KCNN3: variants seen among roughly 807,000 people sequenced by gnomAD.
KCNN3 encodes the protein small conductance calcium-activated potassium channel protein 3.
Under a neutral mutation model 62.9 loss-of-function variants are expected in KCNN3, and 16 were observed. The observed-to-expected ratio is 0.25, with a 90% CI of 0.17 to 0.39. The LOEUF is 0.39. Ranked by LOEUF, KCNN3 falls within the 10% of genes least tolerant of loss-of-function variation. The pLI, the probability that KCNN3 is intolerant of heterozygous loss-of-function variation, is 1.00. For synonymous variants in KCNN3, 370 were observed against 389.2 expected, an observed-to-expected ratio of 0.95 and a Z score of 0.58; for missense variants, 599 against 949.4, an observed-to-expected ratio of 0.63 and a Z score of 4.85.
chr1:154,828,897 C>G (rs1339663634), intron 1 of KCNN3, among the ~76,000 whole-genome samples: 1 of 152,238 alleles, frequency 6.6e-6, no homozygotes, highest in Admixed American at 6.5e-5. Flanking sequence ...AGAAAGACAC[C>G]TTTGCAATCC....
At chr1:154,766,129 G>C (rs1414989392) in intron 3 of KCNN3, among the ~76,000 whole-genome samples, 1 of 151,598 alleles carries the variant, frequency 6.6e-6, no homozygotes, top group Non-Finnish European at 1.5e-5. Flanking sequence ...CACCAGAAGG[G>C]GATCGCTACA....
At chr1:154,864,191 G>A (rs1042918158) in intron 1 of KCNN3, among the ~76,000 whole-genome samples, 5 of 152,208 alleles carry the variant, frequency 3.3e-5, no homozygotes, top group African/African-American at 1.2e-4. Flanking sequence ...CACCCCACAG[G>A]GAGGGTCCAT....
At chr1:154,776,747 C>T (rs1648806532) in intron 2 of KCNN3, among the ~76,000 whole-genome samples, 2 of 152,244 alleles carry the variant, frequency 1.3e-5, no homozygotes, top group African/African-American at 2.4e-5. Context: ...TTTGCTGTCT[C>T]TCCCCTTAGA....
intron 1 of KCNN3, among the ~76,000 whole-genome samples, chr1:154,857,432 C>G (rs545972509): frequency 6.6e-6 from 1 of 152,128 alleles, no homozygotes; most frequent in South Asian, 2.1e-4. Flanking sequence ...CTCCCCTCCT[C>G]CCTCTACCCT....
intron 2 of KCNN3, among the ~76,000 whole-genome samples, chr1:154,787,983 G>T (rs115643060): frequency 0.025 from 3,772 of 152,276 alleles, 85 homozygotes; most frequent in Non-Finnish European, 0.038. Context: ...CATCCACAGT[G>T]CCCTCAGGGT....
chr1:154,723,583 A>G (rs1700402001), intron 5 of KCNN3, among the ~76,000 whole-genome samples: 1 of 152,216 alleles, frequency 6.6e-6, no homozygotes, highest in Non-Finnish European at 1.5e-5. Context: ...GGCTTTCCTC[A>G]GCTTTATTTT....
intron 3 of KCNN3, among the ~76,000 whole-genome samples, chr1:154,766,503 T>C (rs1648295441): frequency 7.3e-6 from 1 of 137,646 alleles, no homozygotes; most frequent in Non-Finnish European, 1.6e-5. Flanking sequence ...GTGCCCCACA[T>C]TGGAGGTTAT....
intron 3 of KCNN3, among the ~76,000 whole-genome samples, chr1:154,750,335 C>T (rs1040469818): frequency 3.3e-5 from 5 of 152,212 alleles, no homozygotes; most frequent in Admixed American, 1.3e-4. Context: ...CCCATTTCCT[C>T]GGCCCCAGGA....
chr1:154,775,917 G>A (rs1036223565), intron 2 of KCNN3, among the ~76,000 whole-genome samples: 1 of 152,202 alleles, frequency 6.6e-6, no homozygotes, highest in South Asian at 2.1e-4. Flanking sequence ...ATAAAGAATC[G>A]CATCTGGTTA....
chr1:154,786,852 C>G (rs1557976023), intron 2 of KCNN3, among the ~76,000 whole-genome samples: 1 of 152,174 alleles, frequency 6.6e-6, no homozygotes, highest in East Asian at 1.9e-4. Flanking sequence ...TTTAAAAGAG[C>G]TGTCATGGAG....
intron 1 of KCNN3, among the ~76,000 whole-genome samples, chr1:154,830,443 T>A (rs867224344): frequency 2.0e-5 from 3 of 152,344 alleles, no homozygotes; most frequent in Middle Eastern, 3.4e-3. Flanking sequence ...CGGTCCCACC[T>A]GCTCTCTGAA....
intron 3 of KCNN3, among the ~76,000 whole-genome samples, chr1:154,753,452 A>G (rs1052793390): frequency 1.5e-4 from 23 of 152,228 alleles, no homozygotes; most frequent in African/African-American, 5.3e-4. Flanking sequence ...GCACAGTCCA[A>G]GCTGAAAGAA....
At chr1:154,738,140 G>GA (rs932307494) in intron 3 of KCNN3, among the ~76,000 whole-genome samples, 1 of 152,148 alleles carries the variant, frequency 6.6e-6, no homozygotes, top group Non-Finnish European at 1.5e-5. Context: ...CACAGTGGAT[G>GA]AAAATAGATG....
chr1:154,711,258 C>T (rs1289901934), intron 7 of KCNN3, among the ~76,000 whole-genome samples: 1 of 147,160 alleles, frequency 6.8e-6, no homozygotes, highest in Non-Finnish European at 1.5e-5. Context: ...AAACCAAACA[C>T]CGCATGTTCT....
At chr1:154,739,660 A>G (rs1700787949) in intron 3 of KCNN3, among the ~76,000 whole-genome samples, 1 of 152,138 alleles carries the variant, frequency 6.6e-6, no homozygotes. Context: ...TTTCTAACAC[A>G]TAGAGTATGG....
intron 6 of KCNN3, among the ~76,000 whole-genome samples, chr1:154,714,511 G>A (rs1557938438): frequency 1.7e-5 from 2 of 115,612 alleles, no homozygotes; most frequent in East Asian, 6.2e-4. Flanking sequence ...TGTGGGGTGT[G>A]TGTGTGTGGT....
At chr1:154,820,280 G>C (rs543409516) in intron 2 of KCNN3, among the ~76,000 whole-genome samples, 115 of 152,312 alleles carry the variant, frequency 7.6e-4, no homozygotes, top group African/African-American at 2.6e-3. Context: ...ATCAGAGGGA[G>C]GGACACCTGG....
At chr1:154,780,192 T>C (rs1313491439) in intron 2 of KCNN3, among the ~76,000 whole-genome samples, 1 of 132,454 alleles carries the variant, frequency 7.5e-6, no homozygotes, top group Admixed American at 8.5e-5. Context: ...TTTTCTTTTT[T>C]TCTTTTTTTT....
At chr1:154,710,645 C>T (rs965070987) in intron 7 of KCNN3, among the ~76,000 whole-genome samples, 1 of 152,202 alleles carries the variant, frequency 6.6e-6, no homozygotes, top group African/African-American at 2.4e-5. Flanking sequence ...TGCAGAAATG[C>T]AGGCTTGAAA....
Sources: allele counts gnomAD v4.1 joint callset (sites outside exome capture counted in the v4.1 genomes callset), GRCh38; gene constraint gnomAD v4.1.1; transcripts MANE v1.5; gene names NCBI Gene and HGNC (gene_info 2026-07-23, HGNC 2026-07-21).